CDH13: variants seen among roughly 807,000 people sequenced by gnomAD.
The protein encoded by CDH13 is cadherin-13.
CDH13 carries 24 observed loss-of-function variants against 63.8 expected under a neutral mutation model. The observed-to-expected ratio is 0.38, with a 90% CI of 0.27 to 0.53. CDH13 has a LOEUF of 0.53. CDH13 is among the 20% of genes least tolerant of loss of function. CDH13 has a pLI of 0.85. For synonymous variants in CDH13, 503 were observed against 355.3 expected (o/e 1.42, Z -4.67); for missense variants, 1,049 against 903.1 (o/e 1.16, Z -2.07).
At chr16:82,963,282 G>C (rs968688815) in intron 2 of CDH13, among the ~76,000 whole-genome samples, 2 of 152,114 alleles carry the variant, frequency 1.3e-5, no homozygotes, top group Admixed American at 1.3e-4. Flanking sequence ...GGGAGGCTGA[G>C]GCAGAAGAAT....
At chr16:83,394,661 T>A (rs2091851404) in intron 6 of CDH13, among the ~76,000 whole-genome samples, 1 of 152,200 alleles carries the variant, frequency 6.6e-6, no homozygotes, top group African/African-American at 2.4e-5. Context: ...GGACCTCCCT[T>A]GCTAGTGTCT....
At chr16:82,814,539 A>T (rs1046668071) in intron 1 of CDH13, among the ~76,000 whole-genome samples, 1 of 152,156 alleles carries the variant, frequency 6.6e-6, no homozygotes, top group African/African-American at 2.4e-5. Flanking sequence ...TGCTGAACCC[A>T]TGGAGGTTTC....
chr16:83,635,551 C>T (rs567336486), intron 8 of CDH13, among the ~76,000 whole-genome samples: 37 of 151,918 alleles, frequency 2.4e-4, no homozygotes, highest in African/African-American at 8.4e-4. Flanking sequence ...ACCATGCTGG[C>T]CAGGCTGGTC....
chr16:82,880,452 T>C (rs918489264), intron 2 of CDH13, among the ~76,000 whole-genome samples: 8 of 152,210 alleles, frequency 5.3e-5, no homozygotes, highest in Non-Finnish European at 1.2e-4. Flanking sequence ...ACTGAGCACA[T>C]AGAAAGGTGA....
chr16:83,618,638 C>T (rs1269563224), intron 8 of CDH13, among the ~76,000 whole-genome samples: 2 of 151,920 alleles, frequency 1.3e-5, no homozygotes, highest in African/African-American at 4.8e-5. Context: ...CTGTAGTCTG[C>T]CAAGAGCCGA....
intron 4 of CDH13, among the ~76,000 whole-genome samples, chr16:83,214,487 G>C (rs928190327): frequency 1.9e-4 from 27 of 141,400 alleles, no homozygotes; most frequent in African/African-American, 6.7e-4. Flanking sequence ...GGCTGAGGTG[G>C]GAGAATCACT....
intron 2 of CDH13, among the ~76,000 whole-genome samples, chr16:82,943,401 A>G (rs1457107743): frequency 6.6e-6 from 1 of 152,156 alleles, no homozygotes; most frequent in Non-Finnish European, 1.5e-5. Context: ...CCAGTGAATG[A>G]TTTTTTCTTT....
intron 1 of CDH13, among the ~76,000 whole-genome samples, chr16:82,827,015 A>G (rs1035004557): frequency 2.0e-5 from 3 of 152,192 alleles, no homozygotes; most frequent in African/African-American, 7.2e-5. Flanking sequence ...AGCCCCTGGC[A>G]TGTTTTGCTT....
intron 3 of CDH13, among the ~76,000 whole-genome samples, chr16:83,118,289 G>A (rs1286901790): frequency 1.3e-5 from 2 of 152,224 alleles, no homozygotes; most frequent in Admixed American, 1.3e-4. Flanking sequence ...CACTGGAAGT[G>A]CGAAGACGTG....
chr16:83,263,293 C>T (rs1327541206), intron 5 of CDH13, among the ~76,000 whole-genome samples: 2 of 152,222 alleles, frequency 1.3e-5, no homozygotes, highest in Non-Finnish European at 2.9e-5. Context: ...TGGTTGTCTG[C>T]TTGCTCCTCA....
intron 5 of CDH13, among the ~76,000 whole-genome samples, chr16:83,308,763 A>G (rs1160128131): frequency 1.3e-5 from 2 of 152,214 alleles, no homozygotes; most frequent in Non-Finnish European, 2.9e-5. Flanking sequence ...CTGAGGTAAA[A>G]TGAGGAAGGA....
intron 4 of CDH13, among the ~76,000 whole-genome samples, chr16:83,191,968 A>C (rs2038729980): frequency 6.6e-6 from 1 of 152,122 alleles, no homozygotes; most frequent in Non-Finnish European, 1.5e-5. Flanking sequence ...TAACCAACTC[A>C]ATGATAAAAA....
At chr16:83,660,041 C>T (rs1284127564) in intron 8 of CDH13, among the ~76,000 whole-genome samples, 1 of 152,052 alleles carries the variant, frequency 6.6e-6, no homozygotes, top group Non-Finnish European at 1.5e-5. Flanking sequence ...CCTGCCTCGG[C>T]CTCCCAAAGT....
At chr16:83,443,166 T>G (rs191428522) in intron 6 of CDH13, among the ~76,000 whole-genome samples, 49 of 152,316 alleles carry the variant, frequency 3.2e-4, no homozygotes, top group Middle Eastern at 3.4e-3. Context: ...GGAATTTATT[T>G]GAAGCTGAGA....
At chr16:82,961,226 G>C (rs1179091421) in intron 2 of CDH13, among the ~76,000 whole-genome samples, 2 of 152,162 alleles carry the variant, frequency 1.3e-5, no homozygotes, top group Non-Finnish European at 2.9e-5. Flanking sequence ...CCCACCACAA[G>C]TCAATGAGGA....
intron 1 of CDH13, among the ~76,000 whole-genome samples, chr16:82,706,437 G>A (rs1195082285): frequency 2.0e-5 from 3 of 152,150 alleles, no homozygotes. Context: ...TCATGCCAGG[G>A]CAGAGTAGAA....
chr16:83,202,927 G>A (rs2039073367), intron 4 of CDH13, among the ~76,000 whole-genome samples: 1 of 152,126 alleles, frequency 6.6e-6, no homozygotes, highest in Non-Finnish European at 1.5e-5. Context: ...GGCAAGGGCT[G>A]AAAAACTTCC....
intron 6 of CDH13, among the ~76,000 whole-genome samples, chr16:83,466,028 C>G (rs963889238): frequency 6.6e-6 from 1 of 152,174 alleles, no homozygotes; most frequent in African/African-American, 2.4e-5. Context: ...TCAACCTACA[C>G]ACATGTGCTG....
chr16:83,271,505 A>C (rs1202879162), intron 5 of CDH13, among the ~76,000 whole-genome samples: 1 of 142,706 alleles, frequency 7.0e-6, no homozygotes, highest in African/African-American at 2.6e-5. Flanking sequence ...TTATTTAAAA[A>C]AAAACAAAAC....
Sources: gnomAD v4.1 joint callset for allele counts (sites outside exome capture counted in the v4.1 genomes callset) on GRCh38, gnomAD v4.1.1 for gene constraint, MANE v1.5 for transcripts, NCBI Gene and HGNC (gene_info 2026-07-23, HGNC 2026-07-21) for gene names.